The following RXFP1 variants were observed in gnomAD, a reference collection of about 807,000 sequenced individuals.
RXFP1 encodes relaxin receptor 1.
In RXFP1, 73 loss-of-function variants were observed where a neutral mutation model predicts 89.8. The ratio of observed to expected loss-of-function variants is 0.81; its 90% CI spans 0.67 to 0.99. The LOEUF (loss-of-function observed/expected upper bound fraction) is 0.99. Ranked by LOEUF, RXFP1 falls within the 50% of genes least tolerant of loss-of-function variation. RXFP1 has a pLI of 0.00. For synonymous variants in RXFP1, 277 were observed against 305.5 expected (o/e 0.91, Z 0.97); for missense variants, 793 against 895.5 (o/e 0.89, Z 1.46).
chr4:158,599,399 T>C lies in RXFP1; in HGVS notation c.360T>C (p.Ala120=). The C allele has an allele frequency of 6.2e-7, 1 of 1,613,748 alleles. No individual in the cohort carries two copies. Among genetic ancestry groups the C allele is most frequent in the Non-Finnish European group, 8.5e-7 (1 of 1,179,764 alleles). ...ELDCDETNLR[A]VPSVSSNVTA... is the part of the protein sequence containing the mutation. Reference sequence around the variant, plus strand: ...ACTGTGATGAAACCAATTTACGAGCTGTTCCATCGGTTTCTTCAAATGTGA... The same window carrying C: ...ACTGTGATGAAACCAATTTACGAGCCGTTCCATCGGTTTCTTCAAATGTGA... The change falls in exon 4 of 18, where the codon GCT becomes GCC. Residue 120 remains alanine (A), a synonymous_variant. Transcript: ENST00000307765.
At chr4:158,579,516 G>A (rs932918945) in intron 2 of RXFP1, among the ~76,000 whole-genome samples, 1 of 152,126 alleles carries the variant, frequency 6.6e-6, no homozygotes, top group Non-Finnish European at 1.5e-5. Context: ...CGCCCACCTC[G>A]GCCTCCCAAA....
intron 10 of RXFP1, 152 bp downstream of exon 10, chr4:158,627,043 A>G (rs977108170): frequency 1.1e-5 from 5 of 438,510 alleles, no homozygotes; most frequent in Non-Finnish European, 2.0e-5. Context: ...GTCTTAGCCT[A>G]TAAGAATGTT....
At chr4:158,556,386 T>C (rs936158724) in intron 1 of RXFP1, among the ~76,000 whole-genome samples, 5 of 152,098 alleles carry the variant, frequency 3.3e-5, no homozygotes, top group African/African-American at 1.2e-4. Context: ...TCACTCCAGT[T>C]AGAATGGCTA....
chr4:158,589,817 C>A (rs941394157), intron 2 of RXFP1, among the ~76,000 whole-genome samples: 5 of 152,056 alleles, frequency 3.3e-5, no homozygotes, highest in African/African-American at 1.2e-4. Context: ...CTTTAGGAGG[C>A]CAAGGTGGGA....
At chr4:158,617,012 G>A in intron 8 of RXFP1, 119 bp from the exon 9 acceptor site, 1 of 660,482 alleles carries the variant, frequency 1.5e-6, no homozygotes. Flanking sequence ...AAATTAGAAG[G>A]AAAAAACAAC....
At position 158,599,306 on chromosome 4, in the gene RXFP1, A is replaced by C; in HGVS notation, c.287-20A>C. 6.2e-7 allele frequency: 1 copy of C among 1,613,606 alleles called. No homozygotes were observed. Among genetic ancestry groups the C allele is most frequent in the Non-Finnish European group, 8.5e-7 (1 of 1,179,826 alleles). The stretch of plus-strand genomic sequence containing the variant: ...TGGTCCCTCACTGTCATCATGCCTT[A>C]CCACTTCCCCTTGATTCAGTGGTCG... On this transcript the variant is annotated intron_variant, in intron 3 of 17. Coordinates refer to ENST00000307765, the MANE Select transcript of RXFP1 (RefSeq NM_021634.4).
intron 1 of RXFP1, among the ~76,000 whole-genome samples, chr4:158,544,974 G>T (rs1199586552): frequency 1.3e-5 from 2 of 151,808 alleles, no homozygotes; most frequent in Non-Finnish European, 2.9e-5. Flanking sequence ...GTAATGGGAT[G>T]GCTGGGTCAA....
chr4:158,621,801 C>A (rs1765675883), intron 9 of RXFP1, among the ~76,000 whole-genome samples: 1 of 152,186 alleles, frequency 6.6e-6, no homozygotes, highest in South Asian at 2.1e-4. Context: ...GGCCAACAGG[C>A]ATATGCAAAA....
intron 6 of RXFP1, among the ~76,000 whole-genome samples, chr4:158,611,675 C>A (rs1462609224): frequency 6.6e-6 from 1 of 152,224 alleles, no homozygotes; most frequent in African/African-American, 2.4e-5. Flanking sequence ...AAAGCCTTCT[C>A]CTGGCTCCTC....
At chr4:158,522,316 A>G (rs1741374798) in intron 1 of RXFP1, among the ~76,000 whole-genome samples, 1 of 152,198 alleles carries the variant, frequency 6.6e-6, no homozygotes, top group Non-Finnish European at 1.5e-5. Flanking sequence ...ATATTTAAAG[A>G]GTAGTAATTC....
chr4:158,559,878 G>A (rs936093), intron 1 of RXFP1, among the ~76,000 whole-genome samples: 30 of 152,312 alleles, frequency 2.0e-4, no homozygotes, highest in Middle Eastern at 6.8e-3. Flanking sequence ...TTAGGTCAGA[G>A]AAACATCAGA....
chr4:158,568,461 T>C (rs999181350), intron 1 of RXFP1, among the ~76,000 whole-genome samples: 3 of 152,244 alleles, frequency 2.0e-5, no homozygotes, highest in Non-Finnish European at 4.4e-5. Context: ...TGGAGGCTAA[T>C]TCATTAAAGA....
intron 9 of RXFP1, among the ~76,000 whole-genome samples, chr4:158,619,619 T>A (rs1425366875): frequency 6.6e-6 from 1 of 151,528 alleles, no homozygotes; most frequent in Non-Finnish European, 1.5e-5. Context: ...AAACTAGGAG[T>A]AGGTAAGGAA....
rs554894567 is a variant in RXFP1 at position 158,593,096 on chromosome 4, A to C, written c.188-305A>C. Among the ~76,000 whole-genome samples, 111 of 127,454 alleles carry C rather than the reference A, an allele frequency of 8.7e-4. 1 individual carries two copies. Among genetic ancestry groups the C allele is most frequent in the Non-Finnish European group, 1.3e-3 (90 of 66,668 alleles). 83.6% of individuals were successfully genotyped at this position (127,454 alleles called of 152,430 possible). A position where few individuals can be genotyped will look rare whatever the true frequency, so the allele number is the denominator to read the frequency against. On this transcript the variant is annotated intron_variant, in intron 2 of 17. Transcript: ENST00000307765. The stretch of plus-strand genomic sequence containing the variant: ...GGCGAGACTCTGTCTCAAAAAAAAA[A>C]AAACAAAAACAAACAAAAAAAACTG...
chr4:158,626,620 C>T (rs1266088851), intron 9 of RXFP1, among the ~76,000 whole-genome samples, 200 bp from the exon 10 acceptor site: 4 of 151,800 alleles, frequency 2.6e-5, no homozygotes, highest in Non-Finnish European at 5.9e-5. Flanking sequence ...ACATTTTTAC[C>T]TTTAACATAG....
chr4:158,589,202 G>A (rs1199700228), intron 2 of RXFP1, among the ~76,000 whole-genome samples: 3 of 152,024 alleles, frequency 2.0e-5, no homozygotes, highest in East Asian at 1.9e-4. Flanking sequence ...GGGGGAACAC[G>A]CCCCCATGAT....
intron 1 of RXFP1, among the ~76,000 whole-genome samples, chr4:158,548,648 G>C (rs1438528017): frequency 6.6e-6 from 1 of 152,090 alleles, no homozygotes; most frequent in Non-Finnish European, 1.5e-5. Flanking sequence ...CAGGCCTGGT[G>C]GTGACAAAAT....
chr4:158,651,786 A>T lies in RXFP1; in HGVS notation c.2005A>T (p.Ile669Phe), dbSNP rs1772789298. The stretch of plus-strand genomic sequence containing the variant: ...CATAACCTCTTGGGTAGTGATTTTT[A>T]TTCTGCCCATTAACAGTGCTTTGAA... ...GTITSWVVIFILPINSALNPI... is the reference protein window; with the variant it reads ...GTITSWVVIFFLPINSALNPI... Residue 669 changes from isoleucine to phenylalanine, a missense_variant, in exon 18 of 18, where the codon ATT (isoleucine) becomes TTT (phenylalanine). Physicochemically the swap from Ile to Phe is conservative, Grantham distance 21 (BLOSUM62 0). Coordinates refer to ENST00000307765, the MANE Select transcript of RXFP1 (RefSeq NM_021634.4). 1 of 1,611,902 alleles carries T rather than the reference A, an allele frequency of 6.2e-7. No homozygotes were observed. Among genetic ancestry groups the T allele is most frequent in the Non-Finnish European group, 8.5e-7 (1 of 1,179,142 alleles).
At chr4:158,638,290 A>G (rs867131652) in intron 13 of RXFP1, among the ~76,000 whole-genome samples, 1 of 152,108 alleles carries the variant, frequency 6.6e-6, no homozygotes, top group African/African-American at 2.4e-5. Flanking sequence ...ATGATGAATT[A>G]TTTTATATTT....
Sources: gnomAD v4.1 joint callset for allele counts (sites outside exome capture counted in the v4.1 genomes callset) on GRCh38, gnomAD v4.1.1 for gene constraint, MANE v1.5 for transcripts, NCBI Gene and HGNC (gene_info 2026-07-23, HGNC 2026-07-21) for gene names.